The following NPM2 variants were observed in gnomAD, a reference collection of about 807,000 sequenced individuals.
NPM2 encodes nucleoplasmin-2.
A neutral mutation model predicts 32.0 loss-of-function variants in NPM2; 25 were observed. That is an observed-to-expected ratio of 0.78 (90% confidence interval 0.57 to 1.09). The LOEUF is 1.09. NPM2 is among the 50% of genes least tolerant of loss of function. NPM2 has a pLI of 0.00. For missense variants in NPM2, 282 were observed against 259.9 expected (o/e 1.08, Z -0.58); for synonymous variants, 111 against 94.2 (o/e 1.18, Z -1.04).
intron 5 of NPM2, among the ~76,000 whole-genome samples, chr8:22,031,946 A>G (rs541682159): frequency 2.3e-4 from 35 of 152,304 alleles, no homozygotes; most frequent in Admixed American, 1.0e-3. Flanking sequence ...TGCAGTAGAA[A>G]CACTGAATTA....
At chr8:22,025,162 C>G in intron 2 of NPM2, 54 bp from the exon 3 acceptor site, 2 of 1,450,568 alleles carry the variant, frequency 1.4e-6, no homozygotes. Flanking sequence ...TGGCATCCTC[C>G]AGTCGAGGGT....
rs761256279 is a variant in NPM2, at chr8:22,034,173, G to A, written c.429G>A (p.Glu143=). 6.8e-6 allele frequency: 11 copies of A among 1,612,472 alleles called. No homozygotes were observed. The highest frequency in any genetic ancestry group is 2.2e-5 in the South Asian group (2 of 90,916). ...AAGGGGAGGAGGAGGAAGAGGAAGAGGAAGATGATGAGGATGAGGATGCAG... is the reference window on the plus strand; with the variant it reads ...AAGGGGAGGAGGAGGAAGAGGAAGAAGAAGATGATGAGGATGAGGATGCAG... ...EEEGEEEEEE[E]EDDEDEDADI... is the part of the protein sequence containing the mutation. The change falls in exon 7 of 10, where the codon GAG becomes GAA. Residue 143 remains glutamate (E), a synonymous_variant. Coordinates refer to ENST00000518119, the MANE Select transcript of NPM2 (RefSeq NM_001286680.2).
At chr8:22,030,944 G>A (rs1800418806) in intron 5 of NPM2, among the ~76,000 whole-genome samples, 1 of 152,134 alleles carries the variant, frequency 6.6e-6, no homozygotes, top group South Asian at 2.1e-4. Context: ...ATTGTTTCTT[G>A]TATGTTTTGT....
In NPM2 at chr8:22,036,824, C is replaced by G; in HGVS notation, c.*142C>G. ...GGGGCAACATGAGAGCCCCTCACCC[C>G]CAACTCTCCACTTTCAGGAGGCCCC... On this transcript the variant is annotated 3_prime_UTR_variant, in exon 10 of 10. Coordinates refer to ENST00000518119, the MANE Select transcript of NPM2 (RefSeq NM_001286680.2). The G allele has an allele frequency of 1.3e-6, 1 of 794,222 alleles. No individual in the cohort carries two copies. The highest frequency in any genetic ancestry group is 2.9e-5 in the East Asian group (1 of 34,076). The allele number at this position is 794,222 out of a possible 1,614,324, so 49.2% of individuals were successfully genotyped here. A position where few individuals can be genotyped will look rare whatever the true frequency, so the allele number is the denominator to read the frequency against.
intron 5 of NPM2, among the ~76,000 whole-genome samples, chr8:22,028,341 ATTTTTTTTTTTTTTTTTTT>A (rs36012479): frequency 1.5e-5 from 1 of 65,598 alleles, no homozygotes; most frequent in Admixed American, 2.0e-4. Context: ...TGCCAAAAAG[ATTTTTTTTTTTTTTTTTTT>A]TTTTTTTTGA....
chr8:22,032,295 C>A (rs536698189), intron 5 of NPM2, among the ~76,000 whole-genome samples: 2 of 152,270 alleles, frequency 1.3e-5, no homozygotes, highest in South Asian at 2.1e-4. Context: ...ATATTTTAAA[C>A]CTTTATTCTT....
chr8:22,034,024 G>T, intron 6 of NPM2, 85 bp from the exon 7 acceptor site: 1 of 1,523,520 alleles, frequency 6.6e-7, no homozygotes, highest in Non-Finnish European at 8.8e-7. Flanking sequence ...AGTGCTTGGA[G>T]CAACACGGAT....
Position 22,034,494 on chromosome 8 carries a change from GT to G in NPM2, c.532-10del. The stretch of plus-strand genomic sequence containing the variant: ...TTTGTCTGAACTCTCATAATACACT[GT>G]TTTTTGGTTCCCAGAAAAAAAAGCT... On this transcript the variant is annotated splice_polypyrimidine_tract_variant and intron_variant, in intron 7 of 9. Transcript: ENST00000518119. 1.2e-6 allele frequency: 2 copies of G among 1,607,146 alleles called. No individual in the cohort carries two copies. The highest frequency in any genetic ancestry group is 1.7e-6 in the Non-Finnish European group (2 of 1,174,154).
At chr8:22,026,657 G>A (rs1800266407) in intron 5 of NPM2, among the ~76,000 whole-genome samples, 1 of 152,086 alleles carries the variant, frequency 6.6e-6, no homozygotes, top group Non-Finnish European at 1.5e-5. Flanking sequence ...GTTTCACAAT[G>A]TTGCCCAGGC....
At chr8:22,030,265 G>A (rs1027365665) in intron 5 of NPM2, among the ~76,000 whole-genome samples, 1 of 152,098 alleles carries the variant, frequency 6.6e-6, no homozygotes, top group Admixed American at 6.6e-5. Context: ...TAAAGACAAG[G>A]TCTTGCTCTG....
At chr8:22,030,128 T>C (rs1265500930) in intron 5 of NPM2, among the ~76,000 whole-genome samples, 2 of 152,192 alleles carry the variant, frequency 1.3e-5, no homozygotes, top group African/African-American at 2.4e-5. Context: ...CAATGTTTCT[T>C]TAAATCTCTC....
At chr8:22,028,172 G>C (rs192831746) in intron 5 of NPM2, among the ~76,000 whole-genome samples, 455 of 152,092 alleles carry the variant, frequency 3.0e-3, no homozygotes, top group African/African-American at 0.011. Flanking sequence ...GTTTTACTGG[G>C]AACACAGCCA....
chr8:22,036,572 C>T, intron 9 of NPM2, 46 bp downstream of exon 9: 1 of 1,569,666 alleles, frequency 6.4e-7, no homozygotes, highest in Non-Finnish European at 8.6e-7. Flanking sequence ...GGCGAGTATT[C>T]TCTGGAGGGG....
In NPM2 at chr8:22,036,683, G is replaced by A; in HGVS notation, c.*1G>A. On this transcript the variant is annotated 3_prime_UTR_variant, in exon 10 of 10. Coordinates refer to ENST00000518119, the MANE Select transcript of NPM2 (RefSeq NM_001286680.2). ...CAAGAAGCCAGGATTCAAGAAATGAGGAGCCACGCCTTGGGGGGCACGGTG... is the reference window on the plus strand; with the variant it reads ...CAAGAAGCCAGGATTCAAGAAATGAAGAGCCACGCCTTGGGGGGCACGGTG... The A allele has an allele frequency of 6.5e-7, 1 of 1,547,024 alleles. No homozygotes were observed. The highest frequency in any genetic ancestry group is 1.4e-5 in the African/African-American group (1 of 72,678).
At position 22,025,017 on chromosome 8, in the gene NPM2, G is replaced by T. The variant is rs1032174484; in HGVS notation, c.-34+187G>T. 7.4e-6 allele frequency: 4 copies of T among 542,736 alleles called. No homozygotes were observed. In the African/African-American group the frequency reaches 7.9e-5, roughly 11 times the overall value. The allele number at this position is 542,736 out of a possible 1,614,324, so 33.6% of individuals were successfully genotyped here. On this transcript the variant is annotated intron_variant, in intron 2 of 9. Coordinates refer to ENST00000518119, the MANE Select transcript of NPM2 (RefSeq NM_001286680.2). ...GAGTCCCGCTGTCCTGTACGCGCCC[G>T]GTCGAGCCCCGGGCTGCGCACCCCG...
At chr8:22,036,424 C>T (rs1800622654) in intron 8 of NPM2, 69 bp from the exon 9 acceptor site, 1 of 1,518,072 alleles carries the variant, frequency 6.6e-7, no homozygotes, top group Non-Finnish European at 8.9e-7. Flanking sequence ...GAGGGCCACG[C>T]CGCTGGTCTG....
chr8:22,027,999 T>C (rs1322700365), intron 5 of NPM2, among the ~76,000 whole-genome samples: 1 of 152,180 alleles, frequency 6.6e-6, no homozygotes, highest in Non-Finnish European at 1.5e-5. Flanking sequence ...CATCTCATCA[T>C]CTTCCCTGCT....
At chr8:22,031,241 G>C (rs1307855493) in intron 5 of NPM2, among the ~76,000 whole-genome samples, 2 of 152,154 alleles carry the variant, frequency 1.3e-5, no homozygotes, top group African/African-American at 2.4e-5. Context: ...TTTAATGGTG[G>C]CTAGGGTTTT....
intron 3 of NPM2, 63 bp downstream of exon 3, chr8:22,025,369 G>A: frequency 6.2e-7 from 1 of 1,602,188 alleles, no homozygotes; most frequent in Non-Finnish European, 8.5e-7. Context: ...GGCAGCTTGG[G>A]GCGCAGGTGA....
Sources: gnomAD v4.1 joint callset for allele counts (sites outside exome capture counted in the v4.1 genomes callset) on GRCh38, gnomAD v4.1.1 for gene constraint, MANE v1.5 for transcripts, NCBI Gene and HGNC (gene_info 2026-07-23, HGNC 2026-07-21) for gene names.